The following PTPRU variants were observed in gnomAD, a reference collection of about 807,000 sequenced individuals.
PTPRU encodes protein tyrosine phosphatase receptor type U, also known as receptor-type tyrosine-protein phosphatase U.
Under a neutral mutation model 166.3 loss-of-function variants are expected in PTPRU, and 69 were observed. That is an observed-to-expected ratio of 0.41 (90% CI 0.34 to 0.51). The LOEUF (loss-of-function observed/expected upper bound fraction) is 0.51. Among genes scored for constraint, PTPRU ranks in the 20% least tolerant of loss-of-function variants. The pLI is 0.09. For missense variants in PTPRU, 1,657 were observed against 2,013.7 expected, an observed-to-expected ratio of 0.82 and a Z score of 3.39; for synonymous variants, 793 against 814.0, an observed-to-expected ratio of 0.97 and a Z score of 0.44.
At position 29,291,309 on chromosome 1, in the gene PTPRU, G is replaced by C. The variant is rs1429593040; in HGVS notation, c.2319-560G>C. ...AGAAGCCAAGGGTGGAGTTCATTCT[G>C]TGCGTGGGGGAAGCCCCCGAGCTCT... On this transcript the variant is annotated intron_variant, in intron 14 of 29. Coordinates refer to ENST00000373779, the MANE Select transcript of PTPRU (RefSeq NM_133178.4). This position sits in a 1 kb window ranked among gnomAD's most constrained non-coding sequence, Gnocchi z 4.1. 6.6e-6 allele frequency among the ~76,000 whole-genome samples: 1 copy of C among 152,192 alleles called. No individual in the cohort carries two copies. The highest frequency in any genetic ancestry group is 2.4e-5 in the African/African-American group (1 of 41,454).
intron 7 of PTPRU, among the ~76,000 whole-genome samples, chr1:29,261,707 A>G (rs1685073943): frequency 1.3e-5 from 2 of 151,756 alleles, no homozygotes; most frequent in African/African-American, 2.4e-5. Context: ...TAATTTTTGT[A>G]TTTTTACTGG....
intron 7 of PTPRU, among the ~76,000 whole-genome samples, chr1:29,274,272 C>T (rs1053114018): frequency 6.6e-6 from 1 of 152,118 alleles, no homozygotes; most frequent in Admixed American, 6.5e-5. Flanking sequence ...AACTCCTGAC[C>T]TTGTGATCCG....
At chr1:29,262,303 C>T (rs1002363749) in intron 7 of PTPRU, among the ~76,000 whole-genome samples, 1 of 152,134 alleles carries the variant, frequency 6.6e-6, no homozygotes, top group Non-Finnish European at 1.5e-5. Flanking sequence ...TGGATAACAG[C>T]TTTATTGCAA....
intron 2 of PTPRU, among the ~76,000 whole-genome samples, chr1:29,256,901 A>C (rs1329642445): frequency 6.6e-6 from 1 of 152,060 alleles, no homozygotes; most frequent in Non-Finnish European, 1.5e-5. Context: ...GGGAGAGGGG[A>C]ATTTAGCAAT....
chr1:29,249,167 C>CAT (rs1684431393), intron 1 of PTPRU, among the ~76,000 whole-genome samples: 2 of 115,842 alleles, frequency 1.7e-5, no homozygotes, highest in African/African-American at 6.3e-5. Flanking sequence ...TGCACACACA[C>CAT]ACACGCACAC....
intron 18 of PTPRU, among the ~76,000 whole-genome samples, chr1:29,307,823 C>T (rs556849955): frequency 8.2e-5 from 12 of 146,170 alleles, no homozygotes; most frequent in East Asian, 4.0e-4. Context: ...CGCAGTGGCA[C>T]GATCTCGGCT....
chr1:29,323,902 T>G (rs1384470531), intron 28 of PTPRU, 114 bp downstream of exon 28: 4 of 1,311,082 alleles, frequency 3.1e-6, no homozygotes, highest in Non-Finnish European at 4.1e-6. Context: ...CCGAAACCCC[T>G]GGGCTCTTAG....
Position 29,325,923 on chromosome 1 carries a change from A to T in PTPRU, c.*262A>T, listed in dbSNP as rs899275247. On this transcript the variant is annotated 3_prime_UTR_variant, in exon 30 of 30. Transcript: ENST00000373779. The stretch of plus-strand genomic sequence containing the variant: ...CATAGGGTCCTGCAGGCCTGTGCTG[A>T]GAGGCCTGGTGCTGCCTGGCAGAGT... 7 of 481,572 alleles carry T rather than the reference A, an allele frequency of 1.5e-5. No individual in the cohort carries two copies. Among genetic ancestry groups the T allele is most frequent in the African/African-American group, 1.4e-4 (7 of 49,674 alleles). 29.8% of individuals were successfully genotyped at this position (481,572 alleles called of 1,614,324 possible).
At chr1:29,323,894 GA>G in intron 28 of PTPRU, 106 bp downstream of exon 28, 1 of 1,347,468 alleles carries the variant, frequency 7.4e-7, no homozygotes. Context: ...AGCTGGCACC[GA>G]AACCCCTGGG....
intron 1 of PTPRU, among the ~76,000 whole-genome samples, chr1:29,254,423 T>C (rs190552687): frequency 3.1e-4 from 47 of 152,344 alleles, no homozygotes; most frequent in Non-Finnish European, 1.5e-5. Flanking sequence ...ATTTCAACTG[T>C]TAGTACTGGT....
Position 29,284,880 on chromosome 1 carries a change from C to A in PTPRU, c.2318+11C>A. On this transcript the variant is annotated intron_variant, in intron 14 of 29. Transcript: ENST00000373779. ...CATCATCCGCAAAGGGTGAGTGAGG[C>A]CGGTGCCCTGTCCCACCAGTGGCTT... is the stretch of plus-strand genomic sequence containing the variant. 6.2e-7 allele frequency: 1 copy of A among 1,600,602 alleles called. No homozygotes were observed. The highest frequency in any genetic ancestry group is 1.7e-4 in the Middle Eastern group (1 of 6,016).
At chr1:29,302,583 A>G (rs959518554) in intron 15 of PTPRU, among the ~76,000 whole-genome samples, 1 of 151,794 alleles carries the variant, frequency 6.6e-6, no homozygotes, top group Non-Finnish European at 1.5e-5. Context: ...AGAGTCTCGC[A>G]CTGTCACCTG....
At chr1:29,275,417 ACTT>A (rs373141747) in intron 7 of PTPRU, 28 bp from the exon 8 acceptor site, 67 of 1,564,724 alleles carry the variant, frequency 4.3e-5, no homozygotes, top group South Asian at 4.3e-4. Flanking sequence ...ATTTCTTCTA[ACTT>A]CTTCTCTCTG....
chr1:29,267,895 C>T (rs947154362), intron 7 of PTPRU, among the ~76,000 whole-genome samples: 20 of 152,068 alleles, frequency 1.3e-4, no homozygotes, highest in Admixed American at 5.2e-4. Context: ...GGCTGGGAGC[C>T]GAGTGGAAGT....
Position 29,279,743 on chromosome 1 carries a change from C to T in PTPRU, c.1765+86C>T. The T allele has an allele frequency of 6.8e-7, 1 of 1,475,998 alleles. No individual in the cohort carries two copies. Among genetic ancestry groups the T allele is most frequent in the Non-Finnish European group, 9.3e-7 (1 of 1,071,300 alleles). 91.4% of individuals were successfully genotyped at this position (1,475,998 alleles called of 1,614,324 possible). ...TGGGCAGAAGGGAAATGGGGGGCAT[C>T]CTGGGGGTAGTTACAGAGGGCCCCT... On this transcript the variant is annotated intron_variant, in intron 10 of 29. Transcript: ENST00000373779. This position sits in a 1 kb window ranked among gnomAD's most constrained non-coding sequence, Gnocchi z 5.2.
Position 29,303,997 on chromosome 1 carries a change from C to T in PTPRU, c.2619C>T (p.Ile873=). The change falls in exon 16 of 30, where the codon ATC becomes ATT. Residue 873 remains isoleucine, a synonymous_variant. Coordinates refer to ENST00000373779, the MANE Select transcript of PTPRU (RefSeq NM_133178.4). ...AVRVADLLQH[I]NQMKTAEGYG... ...GTGTCGCAGACCTTCTGCAGCACAT[C>T]AACCAGATGAAGACGGCCGAGGGTT... 6.2e-7 allele frequency: 1 copy of T among 1,612,944 alleles called. No homozygotes were observed. Among genetic ancestry groups the T allele is most frequent in the Non-Finnish European group, 8.5e-7 (1 of 1,179,434 alleles).
chr1:29,322,900 G>C (rs1002101658), intron 26 of PTPRU, among the ~76,000 whole-genome samples: 2 of 151,898 alleles, frequency 1.3e-5, no homozygotes, highest in African/African-American at 2.4e-5. Flanking sequence ...AGGGGTCCTG[G>C]GGCAGAAGTG....
At chr1:29,248,560 C>T (rs1409360869) in intron 1 of PTPRU, among the ~76,000 whole-genome samples, 1 of 152,150 alleles carries the variant, frequency 6.6e-6, no homozygotes, top group Admixed American at 6.5e-5. Flanking sequence ...ATTGGATGTT[C>T]TATTGACAAA....
intron 14 of PTPRU, among the ~76,000 whole-genome samples, chr1:29,285,422 C>T (rs1686295923): frequency 6.6e-6 from 1 of 152,200 alleles, no homozygotes; most frequent in Non-Finnish European, 1.5e-5. Flanking sequence ...TGATAAACCC[C>T]TCCCCCTGCC....
Sources: allele counts gnomAD v4.1 joint callset (sites outside exome capture counted in the v4.1 genomes callset), GRCh38; gene constraint gnomAD v4.1.1; non-coding constraint Gnocchi (gnomAD v3.1); transcripts MANE v1.5; gene names NCBI Gene and HGNC (gene_info 2026-07-23, HGNC 2026-07-21).